AKAP9: variants seen among roughly 807,000 people sequenced by gnomAD.
AKAP9 encodes the protein A-kinase anchoring protein 9, also known as A-kinase anchor protein 9.
AKAP9 carries 311 observed loss-of-function variants against 488.5 expected under a neutral mutation model. The observed-to-expected ratio is 0.64, with a 90% CI of 0.58 to 0.70. The LOEUF (loss-of-function observed/expected upper bound fraction) is 0.70, where lower values mean the gene tolerates loss of function less well. AKAP9 is among the 30% of genes least tolerant of loss of function. The pLI is 0.00. For missense variants in AKAP9, 4,215 were observed against 4,374.5 expected, an observed-to-expected ratio of 0.96 and a Z score of 1.03; for synonymous variants, 1,462 against 1,483.5, an observed-to-expected ratio of 0.99 and a Z score of 0.33.
At chr7:91,986,113 C>A (rs13230588) in intron 3 of AKAP9, among the ~76,000 whole-genome samples, 62,892 of 151,890 alleles carry the variant, frequency 0.41, 13,476 homozygotes, top group African/African-American at 0.51. Flanking sequence ...TGGTCTATTC[C>A]GAGATTCTAC....
chr7:92,071,436 T>A (rs1811718508), intron 28 of AKAP9, among the ~76,000 whole-genome samples: 1 of 151,998 alleles, frequency 6.6e-6, no homozygotes, highest in Non-Finnish European at 1.5e-5. Flanking sequence ...AGTCCTGTTT[T>A]ACAATATACA....
At chr7:91,978,914 C>T (rs976363997) in intron 2 of AKAP9, among the ~76,000 whole-genome samples, 6 of 149,504 alleles carry the variant, frequency 4.0e-5, no homozygotes, top group Admixed American at 2.7e-4. Context: ...GCACCACTAC[C>T]GCCTGGCTAG....
In AKAP9 at chr7:92,050,504, C is replaced by T. The variant is rs113237652; in HGVS notation, c.5369-2222C>T. Among the ~76,000 whole-genome samples the T allele has an allele frequency of 3.3e-5, 5 of 152,272 alleles. 1 individual carries two copies. Among genetic ancestry groups the T allele is most frequent in the African/African-American group, 1.2e-4 (5 of 41,572 alleles). On this transcript the variant is annotated intron_variant, in intron 21 of 49. Coordinates refer to ENST00000356239, the MANE Select transcript of AKAP9 (RefSeq NM_005751.5). ...GGAGTCTCCATAGCATCTTCCCAGT[C>T]GTTGTCTTGTTTGTCTTTCTAGACA... is the stretch of plus-strand genomic sequence containing the variant.
chr7:91,995,742 A>T lies in AKAP9; in HGVS notation c.872A>T (p.Lys291Ile), dbSNP rs1279150801. ...DHLLEDYQKK[K>I]EDFTMQISFL... ...TTATTAGAAGATTATCAGAAAAAGAAAGAAGACTTCACAATGCAAATTAGT... is the reference window on the plus strand; with the variant it reads ...TTATTAGAAGATTATCAGAAAAAGATAGAAGACTTCACAATGCAAATTAGT... The change falls in exon 7 of 50, where the codon AAA becomes ATA. Residue 291 changes from lysine to isoleucine, a missense_variant. Coordinates refer to ENST00000356239, the MANE Select transcript of AKAP9 (RefSeq NM_005751.5). 6.2e-6 allele frequency: 10 copies of T among 1,613,336 alleles called. No homozygotes were observed. Among genetic ancestry groups the T allele is most frequent in the Non-Finnish European group, 8.5e-6 (10 of 1,179,270 alleles).
rs1390607030 is a variant in AKAP9, at chr7:92,105,573, A to C, written c.11331-105A>C. On this transcript the variant is annotated intron_variant, in intron 46 of 49. Transcript: ENST00000356239. ...TTTAACTGGGCAATTGTGAAATTTG[A>C]CATTTGTTCTATGTTCATATTTAAA... is the stretch of plus-strand genomic sequence containing the variant. 3.5e-6 allele frequency: 3 copies of C among 849,832 alleles called. No individual in the cohort carries two copies. The East Asian group carries it at 7.6e-5, about 22-fold the overall frequency. The allele number at this position is 849,832 out of a possible 1,614,324, so 52.6% of individuals were successfully genotyped here.
In AKAP9 at chr7:92,051,572, A is replaced by T. The variant is rs141445819; in HGVS notation, c.5369-1154A>T. On this transcript the variant is annotated intron_variant, in intron 21 of 49. Transcript: ENST00000356239. ...CTACAGCCAGTGACTTACAAAGAGG[A>T]CATGCTTAGTGAATATTGAATTGTG... is the stretch of plus-strand genomic sequence containing the variant. 3.3e-4 allele frequency among the ~76,000 whole-genome samples: 50 copies of T among 152,322 alleles called. No homozygotes were observed. The East Asian group carries it at 9.1e-3, about 28-fold the overall frequency.
intron 8 of AKAP9, among the ~76,000 whole-genome samples, chr7:92,008,199 C>G (rs757788624): frequency 1.3e-5 from 2 of 151,828 alleles, no homozygotes; most frequent in African/African-American, 4.8e-5. Flanking sequence ...GAAACCCCGT[C>G]TCTACCAAAA....
intron 30 of AKAP9, among the ~76,000 whole-genome samples, chr7:92,078,364 G>A (rs1181805019): frequency 3.3e-5 from 5 of 152,084 alleles, no homozygotes; most frequent in Admixed American, 1.3e-4. Context: ...GCTCACACCT[G>A]TAATCCTTAT....
At chr7:92,088,581 A>G (rs1055621655) in intron 37 of AKAP9, among the ~76,000 whole-genome samples, 3 of 152,232 alleles carry the variant, frequency 2.0e-5, no homozygotes, top group African/African-American at 2.4e-5. Flanking sequence ...TGACAAAATT[A>G]TAGTAATAGA....
At chr7:92,095,806 T>C (rs1816468488) in intron 40 of AKAP9, among the ~76,000 whole-genome samples, 2 of 152,362 alleles carry the variant, frequency 1.3e-5, no homozygotes, top group South Asian at 2.1e-4. Context: ...TTATTTTTAA[T>C]GTCCACTGTG....
chr7:91,995,802 T>C lies in AKAP9; in HGVS notation c.930+2T>C, dbSNP rs536322217. ...GAGAAAATTAAAGTATATGAAATGG[T>C]ATGTTTATTTTAAGGAAGTCAGCTA... On this transcript the variant is annotated splice_donor_variant, in intron 7 of 49. Transcript: ENST00000356239. LOFTEE classifies it high-confidence loss of function. The C allele has an allele frequency of 6.3e-7, 1 of 1,594,722 alleles. No individual in the cohort carries two copies. The highest frequency in any genetic ancestry group is 1.3e-5 in the African/African-American group (1 of 74,568).
At chr7:92,094,906 TTCC>T in intron 39 of AKAP9, 114 bp from the exon 40 acceptor site, 3 of 792,686 alleles carry the variant, frequency 3.8e-6, no homozygotes, top group Non-Finnish European at 6.3e-6. Context: ...AGTTTATATT[TTCC>T]TCTTAGCTAG....
At chr7:92,041,898 A>G (rs988502688) in intron 18 of AKAP9, 148 bp from the exon 19 acceptor site, 5 of 761,550 alleles carry the variant, frequency 6.6e-6, no homozygotes, top group East Asian at 5.4e-5. Context: ...TGATCTTTGT[A>G]TATACTTTTA....
At chr7:92,109,226 C>G (rs1177068656) in intron 49 of AKAP9, among the ~76,000 whole-genome samples, 1 of 151,824 alleles carries the variant, frequency 6.6e-6, no homozygotes, top group Non-Finnish European at 1.5e-5. Flanking sequence ...TTTCTTTGTT[C>G]AAAAACAAAA....
intron 21 of AKAP9, among the ~76,000 whole-genome samples, chr7:92,048,846 C>G (rs1475719959): frequency 6.6e-6 from 1 of 151,924 alleles, no homozygotes; most frequent in Non-Finnish European, 1.5e-5. Context: ...GTGGAGGTTG[C>G]AGTGAGCCGA....
intron 1 of AKAP9, among the ~76,000 whole-genome samples, chr7:91,947,711 T>G (rs1791646263): frequency 6.6e-6 from 1 of 152,228 alleles, no homozygotes; most frequent in Non-Finnish European, 1.5e-5. Flanking sequence ...GATGTGTACC[T>G]CAACAGGTGT....
chr7:92,016,361 G>C, intron 11 of AKAP9, 94 bp downstream of exon 11: 1 of 922,220 alleles, frequency 1.1e-6, no homozygotes, highest in Non-Finnish European at 1.6e-6. Flanking sequence ...TAATCACCCA[G>C]CCAAGTTGTT....
chr7:91,993,553 G>A (rs1475232527), intron 5 of AKAP9, among the ~76,000 whole-genome samples: 3 of 152,148 alleles, frequency 2.0e-5, no homozygotes, highest in Admixed American at 2.0e-4. Context: ...TTGAGCCCAC[G>A]AGTTCAAGTC....
intron 3 of AKAP9, among the ~76,000 whole-genome samples, chr7:91,985,840 G>A (rs1160541527): frequency 1.3e-5 from 2 of 152,040 alleles, no homozygotes; most frequent in Non-Finnish European, 2.9e-5. Flanking sequence ...TTAGAGATGG[G>A]GTTTCACCAT....
Sources: gnomAD v4.1 joint callset for allele counts (sites outside exome capture counted in the v4.1 genomes callset) on GRCh38, gnomAD v4.1.1 for gene constraint, MANE v1.5 for transcripts, NCBI Gene and HGNC (gene_info 2026-07-23, HGNC 2026-07-21) for gene names.